CNTNAP2: variants seen among roughly 807,000 people sequenced by gnomAD.
CNTNAP2 encodes contactin associated protein 2, also known as contactin-associated protein-like 2.
A neutral mutation model predicts 155.2 loss-of-function variants in CNTNAP2; 98 were observed. That is an observed-to-expected ratio of 0.63 (90% CI 0.54 to 0.75). The LOEUF is 0.75. Ranked by LOEUF, CNTNAP2 falls within the 30% of genes least tolerant of loss-of-function variation. The probability of loss-of-function intolerance (pLI) is 0.00; values close to 1 mark genes in which losing one functional copy is unlikely to be tolerated. For synonymous variants in CNTNAP2, 651 were observed against 631.2 expected (o/e 1.03, Z -0.47); for missense variants, 1,727 against 1,688.1 (o/e 1.02, Z -0.40).
At chr7:146,667,968 T>G (rs1370361250) in intron 1 of CNTNAP2, among the ~76,000 whole-genome samples, 1 of 152,108 alleles carries the variant, frequency 6.6e-6, no homozygotes, top group Non-Finnish European at 1.5e-5. Flanking sequence ...CCTTTAATTT[T>G]CATTTCCCAA....
intron 3 of CNTNAP2, among the ~76,000 whole-genome samples, chr7:146,918,573 T>C (rs1243175205): frequency 6.6e-6 from 1 of 152,224 alleles, no homozygotes; most frequent in Admixed American, 6.5e-5. Context: ...GGTTTTCCTT[T>C]ATAGGTTACC....
chr7:147,601,624 G>T, intron 12 of CNTNAP2, among the ~76,000 whole-genome samples: 1 of 100,570 alleles, frequency 9.9e-6, no homozygotes. Flanking sequence ...ATCTCTTAAA[G>T]ACATTGACTC....
At chr7:148,050,463 G>A (rs531589267) in intron 15 of CNTNAP2, among the ~76,000 whole-genome samples, 2 of 152,162 alleles carry the variant, frequency 1.3e-5, no homozygotes, top group South Asian at 4.1e-4. Flanking sequence ...AAATATTTTT[G>A]TATGGCTGTA....
intron 15 of CNTNAP2, among the ~76,000 whole-genome samples, chr7:148,094,782 C>A (rs1803926768): frequency 6.6e-6 from 1 of 152,202 alleles, no homozygotes; most frequent in Non-Finnish European, 1.5e-5. Flanking sequence ...CTTGCTCTTG[C>A]AAGCTTCTGG....
At chr7:147,564,840 A>T (rs1800137409) in intron 12 of CNTNAP2, among the ~76,000 whole-genome samples, 1 of 120,204 alleles carries the variant, frequency 8.3e-6, no homozygotes, top group African/African-American at 3.0e-5. Context: ...TTGCAAGTAG[A>T]ATTTTTTTTC....
intron 1 of CNTNAP2, among the ~76,000 whole-genome samples, chr7:146,471,416 T>C (rs767707434): frequency 1.3e-5 from 2 of 152,272 alleles, no homozygotes; most frequent in Admixed American, 6.5e-5. Flanking sequence ...TCTGCTTTTA[T>C]GCTATAAGGC....
intron 13 of CNTNAP2, among the ~76,000 whole-genome samples, chr7:147,775,762 T>A (rs961339415): frequency 2.6e-5 from 4 of 152,076 alleles, no homozygotes; most frequent in African/African-American, 9.7e-5. Flanking sequence ...CTTGGCACTA[T>A]TAGAACATGT....
chr7:147,453,366 T>C (rs1027700221), intron 10 of CNTNAP2, among the ~76,000 whole-genome samples: 4 of 152,130 alleles, frequency 2.6e-5, no homozygotes, highest in Non-Finnish European at 5.9e-5. Flanking sequence ...GAAGTTACCA[T>C]TAGATACTTT....
intron 8 of CNTNAP2, among the ~76,000 whole-genome samples, chr7:147,275,335 T>C (rs1017693343): frequency 2.0e-5 from 3 of 152,022 alleles, no homozygotes; most frequent in African/African-American, 7.2e-5. Context: ...ATGGTTTCTT[T>C]CAGCAGTGCT....
chr7:148,316,766 G>A (rs1300052380), intron 21 of CNTNAP2, among the ~76,000 whole-genome samples: 3 of 152,122 alleles, frequency 2.0e-5, no homozygotes, highest in Non-Finnish European at 4.4e-5. Context: ...ATCCTATTGC[G>A]ATCTCATTTT....
intron 5 of CNTNAP2, among the ~76,000 whole-genome samples, chr7:147,111,648 T>C (rs914678552): frequency 5.9e-5 from 9 of 152,330 alleles, no homozygotes; most frequent in African/African-American, 1.9e-4. Context: ...TGCTTGTTTT[T>C]GTCAGGTTTG....
rs536266781 is a variant in CNTNAP2 at position 148,199,292 on chromosome 7, G to A, written c.3011-17996G>A. The stretch of plus-strand genomic sequence containing the variant: ...AATCCTAAATCCCAGAATGGTCCAC[G>A]TATTATCTCCCCAGATTCCTGATAG... On this transcript the variant is annotated intron_variant, in intron 18 of 23. Transcript: ENST00000361727. Among the ~76,000 whole-genome samples, 9 of 152,234 alleles carry A rather than the reference G, an allele frequency of 5.9e-5. No individual in the cohort carries two copies. In the East Asian group the frequency reaches 1.2e-3, roughly 20 times the overall value.
At chr7:148,118,033 AT>A in intron 15 of CNTNAP2, 84 bp from the exon 16 acceptor site, 1 of 1,399,482 alleles carries the variant, frequency 7.1e-7, no homozygotes, top group South Asian at 1.2e-5. Context: ...AATGGTACTT[AT>A]TAAACTCAAG....
chr7:148,358,305 A>G (rs77211024), intron 21 of CNTNAP2, among the ~76,000 whole-genome samples: 3,263 of 152,238 alleles, frequency 0.021, 112 homozygotes, highest in African/African-American at 0.075. Context: ...TTTCAGAAAC[A>G]TCCCCCTGAG....
At chr7:146,877,157 C>G (rs189384220) in intron 3 of CNTNAP2, among the ~76,000 whole-genome samples, 1 of 152,050 alleles carries the variant, frequency 6.6e-6, no homozygotes, top group Admixed American at 6.6e-5. Context: ...GAAACAAGAA[C>G]ATACAAGTTA....
chr7:147,129,494 A>T (rs1293661148), intron 7 of CNTNAP2, among the ~76,000 whole-genome samples: 1 of 152,168 alleles, frequency 6.6e-6, no homozygotes, highest in Non-Finnish European at 1.5e-5. Flanking sequence ...CTTCCAAACG[A>T]CACTACTCCA....
rs1282673296 is a variant in CNTNAP2 at position 147,137,912 on chromosome 7, GATAGGTAGATAGATA to G, written c.1348+5405_1348+5419del. Among the ~76,000 whole-genome samples the G allele has an allele frequency of 3.7e-3, 370 of 99,222 alleles. 4 individuals carry two copies. The highest frequency in any genetic ancestry group is 3.8e-3 in the East Asian group (11 of 2,930). 65.1% of individuals were successfully genotyped at this position (99,222 alleles called of 152,430 possible). On this transcript the variant is annotated intron_variant, in intron 8 of 23. Transcript: ENST00000361727. ...AGATAGATAGATAGATAGATAGATA[GATAGGTAGATAGATA>G]AAAAGTATTGTCCCTTAAAACTATT... is the stretch of plus-strand genomic sequence containing the variant.
At chr7:147,181,969 A>G (rs970132740) in intron 8 of CNTNAP2, among the ~76,000 whole-genome samples, 1 of 152,020 alleles carries the variant, frequency 6.6e-6, no homozygotes, top group Non-Finnish European at 1.5e-5. Flanking sequence ...TACTAAAAAT[A>G]CAAAAATTAG....
At chr7:146,768,340 A>G (rs1005139930) in intron 1 of CNTNAP2, among the ~76,000 whole-genome samples, 3 of 151,724 alleles carry the variant, frequency 2.0e-5, no homozygotes, top group South Asian at 2.1e-4. Context: ...TGTCCATTTC[A>G]GGGTCTGGTG....
Sources: gnomAD v4.1 joint callset for allele counts (sites outside exome capture counted in the v4.1 genomes callset) on GRCh38, gnomAD v4.1.1 for gene constraint, MANE v1.5 for transcripts, NCBI Gene and HGNC (gene_info 2026-07-23, HGNC 2026-07-21) for gene names.